Variants in WDTC1 observed in about 807,000 individuals in gnomAD.
The protein encoded by WDTC1 is WD and tetratricopeptide repeats protein 1.
A neutral mutation model predicts 76.0 loss-of-function variants in WDTC1; 12 were observed. That is an observed-to-expected ratio of 0.16 (90% CI 0.10 to 0.26). The LOEUF (loss-of-function observed/expected upper bound fraction) is 0.26. WDTC1 is among the 10% of genes least tolerant of loss of function. The pLI, the probability that WDTC1 is intolerant of heterozygous loss-of-function variation, is 1.00. For missense variants in WDTC1, 511 were observed against 908.8 expected, an observed-to-expected ratio of 0.56 and a Z score of 5.63; for synonymous variants, 326 against 350.8, an observed-to-expected ratio of 0.93 and a Z score of 0.79.
chr1:27,255,074 C>T (rs554569974), intron 1 of WDTC1, among the ~76,000 whole-genome samples: 1 of 152,136 alleles, frequency 6.6e-6, no homozygotes, highest in African/African-American at 2.4e-5. Flanking sequence ...CCAAGCCACG[C>T]ACCAGTCTTA....
intron 1 of WDTC1, among the ~76,000 whole-genome samples, chr1:27,254,418 G>A (rs2012203882): frequency 6.6e-6 from 1 of 152,044 alleles, no homozygotes; most frequent in African/African-American, 2.4e-5. Flanking sequence ...CCAATATGGC[G>A]AAACCCTGTC....
At position 27,303,870 on chromosome 1, in the gene WDTC1, G is replaced by T. The variant is rs1029961756; in HGVS notation, c.1643+75G>T. ...GAGTGGGGAGTGTTGGGGCATAATG[G>T]TTTCAGAGAAGAATCTCAAATCCCT... is the stretch of plus-strand genomic sequence containing the variant. On this transcript the variant is annotated intron_variant, in intron 14 of 15. Transcript: ENST00000319394. The surrounding 1 kb of genome is among the most constrained non-coding windows in gnomAD (Gnocchi z 4.8). 5.1e-6 allele frequency: 8 copies of T among 1,567,754 alleles called. No individual in the cohort carries two copies. The highest frequency in any genetic ancestry group is 1.4e-5 in the African/African-American group (1 of 72,470).
intron 1 of WDTC1, among the ~76,000 whole-genome samples, chr1:27,246,553 CAT>C (rs2011839445): frequency 6.6e-6 from 1 of 151,494 alleles, no homozygotes; most frequent in African/African-American, 2.4e-5. Flanking sequence ...TTTGTATGGA[CAT>C]GTGTTTTCTT....
chr1:27,253,110 G>A (rs904046689), intron 1 of WDTC1, among the ~76,000 whole-genome samples: 10 of 151,088 alleles, frequency 6.6e-5, no homozygotes, highest in Non-Finnish European at 1.5e-4. Context: ...CCGGGTTCAG[G>A]TGATTCTCCT....
chr1:27,256,668 C>T (rs1027599423), intron 1 of WDTC1, among the ~76,000 whole-genome samples: 1 of 152,050 alleles, frequency 6.6e-6, no homozygotes, highest in Non-Finnish European at 1.5e-5. Flanking sequence ...ATTGTCTGTC[C>T]CTTCCTGCTA....
intron 4 of WDTC1, 21 bp from the exon 5 acceptor site, chr1:27,283,317 A>T: frequency 6.2e-7 from 1 of 1,604,172 alleles, no homozygotes; most frequent in Non-Finnish European, 8.5e-7. Context: ...GAGAGATCAC[A>T]ATCCCTCACT....
rs746791556 is a variant in WDTC1 at position 27,261,059 on chromosome 1, C to T, written c.5C>T (p.Ala2Val). 1.4e-5 allele frequency: 22 copies of T among 1,613,798 alleles called. No individual in the cohort carries two copies. In the East Asian group the frequency reaches 2.7e-4, roughly 20 times the overall value. ...CTGTTGAACCATTAAGAAAAGATGG[C>T]GAAAGTCAACATAACTAGAGACCTC... Reference protein sequence around the residue: MAKVNITRDLIR... With the variant: MVKVNITRDLIR... Residue 2 changes from alanine (A) to valine (V), a missense_variant, in exon 2 of 16, where the codon GCG becomes GTG. By Grantham distance (64) the Ala-to-Val change is moderately conservative. Transcript: ENST00000319394.
chr1:27,284,137 C>T (rs1487385855), intron 5 of WDTC1, among the ~76,000 whole-genome samples: 3 of 152,110 alleles, frequency 2.0e-5, no homozygotes, highest in Non-Finnish European at 2.9e-5. Flanking sequence ...GGACTAGTGG[C>T]TGTAAGTCCA....
chr1:27,251,661 G>GA (rs1160722823), intron 1 of WDTC1, among the ~76,000 whole-genome samples: 1 of 151,928 alleles, frequency 6.6e-6, no homozygotes, highest in Non-Finnish European at 1.5e-5. Flanking sequence ...CTGAATTTAG[G>GA]AAAAAACAAT....
chr1:27,240,925 A>G (rs958905714), intron 1 of WDTC1, among the ~76,000 whole-genome samples: 1 of 150,162 alleles, frequency 6.7e-6, no homozygotes, highest in African/African-American at 2.4e-5. Flanking sequence ...CAGTGAGTTG[A>G]GATCGCAACA....
chr1:27,257,950 C>T (rs2012337184), intron 1 of WDTC1, among the ~76,000 whole-genome samples: 1 of 152,060 alleles, frequency 6.6e-6, no homozygotes, highest in African/African-American at 2.4e-5. Context: ...GCCACCACAC[C>T]TGGCTAATTT....
chr1:27,293,802 A>T (rs1163805711), intron 7 of WDTC1, among the ~76,000 whole-genome samples: 2 of 152,218 alleles, frequency 1.3e-5, no homozygotes, highest in African/African-American at 2.4e-5. Context: ...TAAGATGGTC[A>T]TGAAGACCCA....
intron 6 of WDTC1, among the ~76,000 whole-genome samples, chr1:27,289,652 G>T (rs1379576461): frequency 2.0e-5 from 3 of 152,238 alleles, no homozygotes; most frequent in African/African-American, 7.2e-5. Flanking sequence ...GGTGGAGGTT[G>T]TAGCAAGCCG....
rs925581542 is a variant in WDTC1, at chr1:27,303,132, G to A, written c.1469-489G>A. Among the ~76,000 whole-genome samples the A allele has an allele frequency of 6.6e-6, 1 of 152,096 alleles. No individual in the cohort carries two copies. The highest frequency in any genetic ancestry group is 2.4e-5 in the African/African-American group (1 of 41,408). ...TACTAAAAATACAAAAATTAGCTGG[G>A]CGTGGTGGCACGTGCCTGGTAGTCC... On this transcript the variant is annotated intron_variant, in intron 13 of 15. Transcript: ENST00000319394. The surrounding 1 kb of genome is among the most constrained non-coding windows in gnomAD (Gnocchi z 4.8).
At position 27,301,286 on chromosome 1, in the gene WDTC1, C is replaced by G. The variant is rs372783088; in HGVS notation, c.1293C>G (p.Cys431Trp). The change falls in exon 13 of 16, where the codon TGC (cysteine) becomes TGG (tryptophan). Residue 431 changes from cysteine (C) to tryptophan (W), a missense_variant. Physicochemically the swap from Cys to Trp is radical, Grantham distance 215. Coordinates refer to ENST00000319394, the MANE Select transcript of WDTC1 (RefSeq NM_001276252.2). The surrounding 1 kb of genome is among the most constrained non-coding windows in gnomAD (Gnocchi z 5.8). ...TCAAGGCCATCTCCCTAAACCCATG[C>G]CACCTGAAGGCACACTTTCGCCTGG... ...DCLKAISLNP[C>W]HLKAHFRLAR... 3.1e-6 allele frequency: 5 copies of G among 1,614,198 alleles called. No individual in the cohort carries two copies. Among genetic ancestry groups the G allele is most frequent in the Non-Finnish European group, 4.2e-6 (5 of 1,180,036 alleles).
chr1:27,289,656 C>T (rs1299790965), intron 6 of WDTC1, among the ~76,000 whole-genome samples: 17 of 152,210 alleles, frequency 1.1e-4, no homozygotes, highest in African/African-American at 3.9e-4. Context: ...GAGGTTGTAG[C>T]AAGCCGAGAT....
In WDTC1 at chr1:27,234,724, AGT is replaced by A; in HGVS notation, c.-319_-318del. ...GTGTGAGAGCGCGCGAGGGAGTGTG[AGT>A]GTGTGTGAGCGCGGGTGTGAGGCGG... On this transcript the variant is annotated 5_prime_UTR_variant, in exon 1 of 16. Transcript: ENST00000319394. 2.5e-6 allele frequency: 1 copy of A among 396,730 alleles called. No homozygotes were observed. Among genetic ancestry groups the A allele is most frequent in the Non-Finnish European group, 4.4e-6 (1 of 225,210 alleles). The allele number at this position is 396,730 out of a possible 1,614,324, so 24.6% of individuals were successfully genotyped here.
intron 3 of WDTC1, among the ~76,000 whole-genome samples, chr1:27,280,922 G>A (rs1423890981): frequency 6.6e-6 from 1 of 151,774 alleles, no homozygotes; most frequent in Non-Finnish European, 1.5e-5. Context: ...GTTTTTTTCT[G>A]GGTTTGTTTG....
At position 27,234,835 on chromosome 1, in the gene WDTC1, C is replaced by A; in HGVS notation, c.-216C>A. 1 of 396,782 alleles carries A rather than the reference C, an allele frequency of 2.5e-6. No homozygotes were observed. The highest frequency in any genetic ancestry group is 4.4e-6 in the Non-Finnish European group (1 of 224,898). 24.6% of individuals were successfully genotyped at this position (396,782 alleles called of 1,614,324 possible). A position where few individuals can be genotyped will look rare whatever the true frequency, so the allele number is the denominator to read the frequency against. On this transcript the variant is annotated 5_prime_UTR_variant, in exon 1 of 16. Transcript: ENST00000319394. ...GGGAAGGGGCTAGAACTGCTCGAGC[C>A]CCCCAGCCCCCTCCCCGGGATCCGC...
Sources: allele counts gnomAD v4.1 joint callset (sites outside exome capture counted in the v4.1 genomes callset), GRCh38; gene constraint gnomAD v4.1.1; non-coding constraint Gnocchi (gnomAD v3.1); transcripts MANE v1.5; gene names NCBI Gene and HGNC (gene_info 2026-07-23, HGNC 2026-07-21).